The following C4orf36 variants were observed in gnomAD, a reference collection of about 807,000 sequenced individuals.
The protein encoded by C4orf36 is chromosome 4 open reading frame 36.
A neutral mutation model predicts 12.2 loss-of-function variants in C4orf36; 11 were observed. The observed-to-expected ratio is 0.90, with a 90% CI of 0.57 to 1.49. The LOEUF is 1.49. Ranked by LOEUF, C4orf36 falls within the 40% of genes most tolerant of loss-of-function variation. The probability of loss-of-function intolerance (pLI) is 0.00; values close to 1 mark genes in which losing one functional copy is unlikely to be tolerated. For missense variants in C4orf36, 137 were observed against 133.9 expected, an observed-to-expected ratio of 1.02 and a Z score of -0.11; for synonymous variants, 54 against 51.3, an observed-to-expected ratio of 1.05 and a Z score of -0.22.
chr4:86,884,494 C>G (rs567135004), intron 4 of C4orf36, among the ~76,000 whole-genome samples: 1 of 151,524 alleles, frequency 6.6e-6, no homozygotes, highest in Non-Finnish European at 1.5e-5. Flanking sequence ...TTGTGGAGAC[C>G]GGGTCTCCCT....
intron 2 of C4orf36, among the ~76,000 whole-genome samples, chr4:86,889,486 GT>G (rs1747310425): frequency 6.6e-6 from 1 of 152,162 alleles, no homozygotes; most frequent in Non-Finnish European, 1.5e-5. Flanking sequence ...AACAGTTATT[GT>G]TTACATAGCA....
rs1560468937 is a variant in C4orf36, at chr4:86,876,245, G to T, written c.*201C>A. The T allele has an allele frequency of 5.7e-6, 3 of 530,896 alleles. No homozygotes were observed. The highest frequency in any genetic ancestry group is 9.3e-6 in the Non-Finnish European group (3 of 323,520). 32.9% of individuals were successfully genotyped at this position (530,896 alleles called of 1,614,324 possible). A position where few individuals can be genotyped will look rare whatever the true frequency, so the allele number is the denominator to read the frequency against. On this transcript the variant is annotated 3_prime_UTR_variant, in exon 5 of 5. Transcript: ENST00000295898. ...TTATAACTGGCAATGTTTAAAAAGAGAAACAAACTGAGTTCCACTGAAATT... is the reference window on the plus strand; with the variant it reads ...TTATAACTGGCAATGTTTAAAAAGATAAACAAACTGAGTTCCACTGAAATT...
At chr4:86,898,321 G>A in the C4orf36 span, among the ~76,000 whole-genome samples, 3 of 152,168 alleles carry the variant, frequency 2.0e-5, no homozygotes, top group Non-Finnish European at 2.9e-5. Flanking sequence ...GAGCCCAGGA[G>A]GCAGAGGTTG....
the C4orf36 span, among the ~76,000 whole-genome samples, chr4:86,917,635 AAAGG>A: frequency 6.7e-6 from 1 of 149,810 alleles, no homozygotes; most frequent in East Asian, 2.0e-4. Context: ...AGAGAAAGAG[AAAGG>A]AAGGAGGAAG....
the C4orf36 span, among the ~76,000 whole-genome samples, chr4:86,929,172 G>C: frequency 6.6e-6 from 1 of 152,080 alleles, no homozygotes; most frequent in Non-Finnish European, 1.5e-5. Context: ...TTCATTACCT[G>C]ACAATTTCCA....
rs1042733720 is a variant in C4orf36 at position 86,876,447 on chromosome 4, C to A, written c.*3-4G>T. On this transcript the variant is annotated splice_polypyrimidine_tract_variant and splice_region_variant and intron_variant, in intron 4 of 4. Coordinates refer to ENST00000295898, the MANE Select transcript of C4orf36 (RefSeq NM_144645.4). ...CATCTACAATCCGCGCTTCAGGCTG[C>A]GCAAAGGAGAGGGGGAAAATAAGAT... 4.5e-5 allele frequency: 73 copies of A among 1,613,060 alleles called. No homozygotes were observed. The African/African-American group carries it at 7.7e-4, about 17-fold the overall frequency.
At chr4:86,924,528 A>C in the C4orf36 span, 2 of 152,266 alleles carry the variant, frequency 1.3e-5, no homozygotes, top group African/African-American at 4.8e-5. Flanking sequence ...TTTTTTATAG[A>C]GACAAGGGCT....
At chr4:86,912,618 T>C in the C4orf36 span, among the ~76,000 whole-genome samples, 1 of 152,206 alleles carries the variant, frequency 6.6e-6, no homozygotes, top group South Asian at 2.1e-4. Context: ...GAAAGCAATA[T>C]TTCGGTATGG....
At chr4:86,907,384 T>C in the C4orf36 span, among the ~76,000 whole-genome samples, 19 of 152,102 alleles carry the variant, frequency 1.2e-4, no homozygotes, top group Non-Finnish European at 1.3e-4. Flanking sequence ...AAAAATATTA[T>C]AACTAGATAT....
chr4:86,914,680 C>T, the C4orf36 span: 65 of 352,114 alleles, frequency 1.8e-4, no homozygotes, highest in African/African-American at 1.3e-3. Flanking sequence ...GAATTATAGG[C>T]GTGAGCCACA....
chr4:86,892,330 G>A lies in C4orf36; in HGVS notation c.-221C>T, dbSNP rs1005629087. 3 of 985,390 alleles carry A rather than the reference G, an allele frequency of 3.0e-6. No homozygotes were observed. The highest frequency in any genetic ancestry group is 3.6e-6 in the Non-Finnish European group (3 of 829,986). 61.0% of individuals were successfully genotyped at this position (985,390 alleles called of 1,614,324 possible). A position where few individuals can be genotyped will look rare whatever the true frequency, so the allele number is the denominator to read the frequency against. On this transcript the variant is annotated 5_prime_UTR_variant, in exon 1 of 5. Transcript: ENST00000295898. ...TCGCGGCCGGGGTACTGAGGTAAGA[G>A]CGCGCTGCGCTAAGCGCACATGGCC...
chr4:86,904,923 G>C, the C4orf36 span, among the ~76,000 whole-genome samples: 1 of 152,056 alleles, frequency 6.6e-6, no homozygotes, highest in Admixed American at 6.6e-5. Context: ...TGAAGATAAG[G>C]CCTTTAAGGA....
chr4:86,879,439 G>GA (rs754122974), intron 4 of C4orf36, among the ~76,000 whole-genome samples: 4 of 152,024 alleles, frequency 2.6e-5, no homozygotes, highest in Non-Finnish European at 5.9e-5. Flanking sequence ...CACTTAAGCA[G>GA]AAAAAAGAGT....
upstream of C4orf36, among the ~76,000 whole-genome samples, chr4:86,894,491 G>A (rs539078997): frequency 1.7e-4 from 26 of 152,272 alleles, no homozygotes; most frequent in African/African-American, 5.5e-4. Context: ...AGCCACCTTA[G>A]AAGGGAAGTT....
At chr4:86,878,503 A>G (rs1415721088) in intron 4 of C4orf36, among the ~76,000 whole-genome samples, 2 of 152,214 alleles carry the variant, frequency 1.3e-5, no homozygotes, top group African/African-American at 4.8e-5. Context: ...TGCTTTAGTA[A>G]GAACTCCAGA....
the C4orf36 span, among the ~76,000 whole-genome samples, chr4:86,931,152 T>C: frequency 6.6e-6 from 1 of 152,220 alleles, no homozygotes; most frequent in Non-Finnish European, 1.5e-5. Flanking sequence ...GTAGTGCCCT[T>C]CACTATCAGT....
At chr4:86,887,995 T>C (rs1560472858) in intron 3 of C4orf36, 102 bp from the exon 4 acceptor site, 2 of 1,550,010 alleles carry the variant, frequency 1.3e-6, no homozygotes, top group East Asian at 4.5e-5. Context: ...GCCTGAATAA[T>C]AAACAAGATG....
At chr4:86,924,821 T>TA in the C4orf36 span, 14 of 152,230 alleles carry the variant, frequency 9.2e-5, no homozygotes, top group African/African-American at 2.9e-4. Context: ...CACATTGCTA[T>TA]AAAAAATACC....
chr4:86,888,489 G>A (rs1747268420), intron 2 of C4orf36, among the ~76,000 whole-genome samples: 1 of 152,144 alleles, frequency 6.6e-6, no homozygotes, highest in South Asian at 2.1e-4. Flanking sequence ...ACAATGACCA[G>A]AAATTACACC....
Sources: gnomAD v4.1 joint callset for allele counts (sites outside exome capture counted in the v4.1 genomes callset) on GRCh38, gnomAD v4.1.1 for gene constraint, MANE v1.5 for transcripts, NCBI Gene and HGNC (gene_info 2026-07-23, HGNC 2026-07-21) for gene names.